APCDD1L: variants seen among roughly 807,000 people sequenced by gnomAD.
APCDD1L encodes the protein APC down-regulated 1 like.
In APCDD1L, 21 loss-of-function variants were observed where a neutral mutation model predicts 24.2. The observed-to-expected ratio is 0.87, with a 90% CI of 0.61 to 1.25. The LOEUF (loss-of-function observed/expected upper bound fraction) is 1.25, where lower values mean the gene tolerates loss of function less well. Ranked by LOEUF, APCDD1L falls within the 50% of genes most tolerant of loss-of-function variation. The pLI, the probability that APCDD1L is intolerant of heterozygous loss-of-function variation, is 0.00. For missense variants in APCDD1L, 704 were observed against 711.7 expected, an observed-to-expected ratio of 0.99 and a Z score of 0.12; for synonymous variants, 321 against 323.6, an observed-to-expected ratio of 0.99 and a Z score of 0.09.
rs144770613 is a variant in APCDD1L, at chr20:58,477,148, C to G, written c.50-6401G>C. Among the ~76,000 whole-genome samples, 5 of 152,316 alleles carry G rather than the reference C, an allele frequency of 3.3e-5. No individual in the cohort carries two copies. The South Asian group carries it at 1.0e-3, about 32-fold the overall frequency. ...AGTTTCTCTACAGGTTAACATCTTA[C>G]GCAGACATTGTGCAATGATCAGAAC... On this transcript the variant is annotated intron_variant, in intron 1 of 3. Transcript: ENST00000371149.
intron 1 of APCDD1L, among the ~76,000 whole-genome samples, chr20:58,500,973 G>T (rs1457820827): frequency 6.6e-6 from 1 of 152,134 alleles, no homozygotes; most frequent in Admixed American, 6.5e-5. Context: ...CTCCCTGAGG[G>T]TTAGCACTCT....
chr20:58,505,198 T>G (rs188296416), intron 1 of APCDD1L, among the ~76,000 whole-genome samples: 275 of 152,306 alleles, frequency 1.8e-3, no homozygotes, highest in African/African-American at 6.4e-3. Context: ...TATACTATAT[T>G]GTGTTTCTTT....
At chr20:58,514,617 C>T (rs1184482589) in intron 1 of APCDD1L, 42 bp downstream of exon 1, 2 of 1,305,548 alleles carry the variant, frequency 1.5e-6, no homozygotes, top group Non-Finnish European at 2.0e-6. Context: ...CCCTCCCTTC[C>T]GAGCTCAGCC....
At chr20:58,482,466 A>C (rs1436970665) in intron 1 of APCDD1L, among the ~76,000 whole-genome samples, 1 of 152,212 alleles carries the variant, frequency 6.6e-6, no homozygotes, top group African/African-American at 2.4e-5. Context: ...TGGCTTCCTA[A>C]ATGTTAAATA....
intron 3 of APCDD1L, among the ~76,000 whole-genome samples, chr20:58,463,143 CAAAA>C (rs398036014): frequency 5.2e-4 from 49 of 93,752 alleles, no homozygotes; most frequent in African/African-American, 1.5e-3. Context: ...CTCCATCTCA[CAAAA>C]AAAAAAAAAA....
At chr20:58,473,202 G>A (rs775471312) in intron 1 of APCDD1L, among the ~76,000 whole-genome samples, 1 of 152,174 alleles carries the variant, frequency 6.6e-6, no homozygotes, top group Non-Finnish European at 1.5e-5. Context: ...TTGGGCTCTT[G>A]AGGAAATGTT....
Position 58,461,675 on chromosome 20 carries a change from C to T in APCDD1L, c.742-121G>A. 2.0e-6 allele frequency: 2 copies of T among 1,017,458 alleles called. No homozygotes were observed. The highest frequency in any genetic ancestry group is 2.6e-6 in the Non-Finnish European group (2 of 775,338). 63.0% of individuals were successfully genotyped at this position (1,017,458 alleles called of 1,614,324 possible). A position where few individuals can be genotyped will look rare whatever the true frequency, so the allele number is the denominator to read the frequency against. ...CAGGGTGAGGTGCGGCCTGTCCCTC[C>T]CTCCTCTCTCTCCTCACTCCCTGCC... is the stretch of plus-strand genomic sequence containing the variant. On this transcript the variant is annotated intron_variant, in intron 3 of 3. Transcript: ENST00000371149. The surrounding 1 kb of genome is among the most constrained non-coding windows in gnomAD (Gnocchi z 6.0).
chr20:58,472,317 G>T (rs867804263), intron 1 of APCDD1L, among the ~76,000 whole-genome samples: 3 of 152,188 alleles, frequency 2.0e-5, no homozygotes, highest in Non-Finnish European at 4.4e-5. Context: ...AATAACCCTG[G>T]AGTCGGTGTT....
chr20:58,484,300 G>A (rs188304326), intron 1 of APCDD1L, among the ~76,000 whole-genome samples: 71 of 152,324 alleles, frequency 4.7e-4, no homozygotes, highest in African/African-American at 1.6e-3. Context: ...AACCCAGAAT[G>A]AACTGCCATT....
chr20:58,509,725 A>C (rs1353848916), intron 1 of APCDD1L, among the ~76,000 whole-genome samples: 1 of 152,196 alleles, frequency 6.6e-6, no homozygotes, highest in Admixed American at 6.5e-5. Flanking sequence ...AGAGACTTTC[A>C]GGGCTGGAAG....
intron 1 of APCDD1L, among the ~76,000 whole-genome samples, chr20:58,485,697 C>T (rs1047008564): frequency 6.6e-5 from 10 of 152,334 alleles, no homozygotes; most frequent in African/African-American, 2.2e-4. Flanking sequence ...CAAGCATGAT[C>T]TTTAAAAAAT....
chr20:58,510,956 C>T lies in APCDD1L; in HGVS notation c.49+3703G>A, dbSNP rs373134958. Among the ~76,000 whole-genome samples, 144 of 152,300 alleles carry T rather than the reference C, an allele frequency of 9.5e-4. 1 individual carries two copies. Among genetic ancestry groups the T allele is most frequent in the African/African-American group, 3.0e-3 (126 of 41,572 alleles). Reference sequence around the variant, plus strand: ...AATGGCAACTTCCTGAGAGCAGGGGCGCTGACACTTTCTTCCCCAGGTCTG... The same window carrying T: ...AATGGCAACTTCCTGAGAGCAGGGGTGCTGACACTTTCTTCCCCAGGTCTG... On this transcript the variant is annotated intron_variant, in intron 1 of 3. Coordinates refer to ENST00000371149, the MANE Select transcript of APCDD1L (RefSeq NM_153360.3).
At position 58,494,939 on chromosome 20, in the gene APCDD1L, G is replaced by A. The variant is rs6100089; in HGVS notation, c.49+19720C>T. Reference sequence around the variant, plus strand: ...CTCATTCTCCTCCTTCAGCTCAAGCGTCTCCTCTTCAGTGAGAACACCCCC... The same window carrying A: ...CTCATTCTCCTCCTTCAGCTCAAGCATCTCCTCTTCAGTGAGAACACCCCC... On this transcript the variant is annotated intron_variant, in intron 1 of 3. Coordinates refer to ENST00000371149, the MANE Select transcript of APCDD1L (RefSeq NM_153360.3). The surrounding 1 kb of genome is among the most constrained non-coding windows in gnomAD (Gnocchi z 4.8). 9.7e-3 allele frequency among the ~76,000 whole-genome samples: 1,470 copies of A among 152,196 alleles called. 16 individuals carry two copies. The highest frequency in any genetic ancestry group is 0.025 in the African/African-American group (1,053 of 41,506).
intron 1 of APCDD1L, among the ~76,000 whole-genome samples, chr20:58,484,644 T>C (rs890031971): frequency 2.6e-5 from 4 of 152,126 alleles, no homozygotes; most frequent in African/African-American, 4.8e-5. Context: ...CTAACACACA[T>C]TCACACATTC....
intron 1 of APCDD1L, among the ~76,000 whole-genome samples, chr20:58,484,054 C>A (rs1325787523): frequency 1.3e-5 from 2 of 152,106 alleles, no homozygotes; most frequent in African/African-American, 2.4e-5. Flanking sequence ...TCCATACACA[C>A]AACAAAAAAC....
intron 1 of APCDD1L, among the ~76,000 whole-genome samples, chr20:58,491,079 A>T (rs1803321156): frequency 6.6e-6 from 1 of 152,246 alleles, no homozygotes; most frequent in African/African-American, 2.4e-5. Flanking sequence ...TTCGTAATTT[A>T]AAAATGAGAA....
chr20:58,499,540 CT>C (rs1211915485), intron 1 of APCDD1L, among the ~76,000 whole-genome samples: 1 of 152,242 alleles, frequency 6.6e-6, no homozygotes, highest in East Asian at 1.9e-4. Flanking sequence ...CCCATTCCCA[CT>C]TCCTTGCCCT....
chr20:58,483,303 T>C (rs1264107725), intron 1 of APCDD1L, among the ~76,000 whole-genome samples: 1 of 152,050 alleles, frequency 6.6e-6, no homozygotes, highest in Non-Finnish European at 1.5e-5. Context: ...CTGCTGCTTC[T>C]TGGGGCTGGA....
At chr20:58,481,334 A>G (rs1486214806) in intron 1 of APCDD1L, among the ~76,000 whole-genome samples, 1 of 152,226 alleles carries the variant, frequency 6.6e-6, no homozygotes, top group East Asian at 1.9e-4. Flanking sequence ...GTTTTGACAC[A>G]TTCAATAAGA....
Sources: allele counts gnomAD v4.1 joint callset (sites outside exome capture counted in the v4.1 genomes callset), GRCh38; gene constraint gnomAD v4.1.1; non-coding constraint Gnocchi (gnomAD v3.1); transcripts MANE v1.5; gene names NCBI Gene and HGNC (gene_info 2026-07-23, HGNC 2026-07-21).